The following L3MBTL4 variants were observed in gnomAD, a reference collection of about 807,000 sequenced individuals.
L3MBTL4 encodes the protein lethal(3)malignant brain tumor-like protein 4.
Under a neutral mutation model 84.5 loss-of-function variants are expected in L3MBTL4, and 70 were observed. The ratio of observed to expected loss-of-function variants is 0.83; its 90% CI spans 0.68 to 1.01. The LOEUF is 1.01. L3MBTL4 is among the 50% of genes least tolerant of loss of function. The probability of loss-of-function intolerance (pLI) is 0.00; values close to 1 mark genes in which losing one functional copy is unlikely to be tolerated. For missense variants in L3MBTL4, 715 were observed against 754.8 expected, an observed-to-expected ratio of 0.95 and a Z score of 0.62; for synonymous variants, 274 against 259.8, an observed-to-expected ratio of 1.05 and a Z score of -0.52.
intron 6 of L3MBTL4, 37 bp downstream of exon 6, chr18:6,244,447 T>C: frequency 7.9e-7 from 1 of 1,260,186 alleles, no homozygotes; most frequent in Non-Finnish European, 1.1e-6. Flanking sequence ...TTTCTGTCAC[T>C]AGGCAATTAG....
At chr18:6,078,252 C>T (rs556623725) in intron 16 of L3MBTL4, among the ~76,000 whole-genome samples, 2 of 151,026 alleles carry the variant, frequency 1.3e-5, no homozygotes, top group Non-Finnish European at 2.9e-5. Context: ...CATGGTGAAA[C>T]CCCATCTCTG....
intron 16 of L3MBTL4, among the ~76,000 whole-genome samples, chr18:6,072,327 T>C (rs2145998384): frequency 6.6e-6 from 1 of 152,150 alleles, no homozygotes; most frequent in East Asian, 1.9e-4. Context: ...CTGACCACAG[T>C]GGAATAAAAT....
chr18:6,047,802 GCGAAAGC>G (rs767721675), intron 16 of L3MBTL4, among the ~76,000 whole-genome samples: 15 of 152,110 alleles, frequency 9.9e-5, no homozygotes, highest in Non-Finnish European at 1.5e-4. Context: ...ATCTGAATGG[GCGAAAGC>G]TGGAAGCTGG....
intron 5 of L3MBTL4, among the ~76,000 whole-genome samples, chr18:6,246,147 A>G (rs942896663): frequency 1.4e-4 from 21 of 152,294 alleles, no homozygotes; most frequent in African/African-American, 4.6e-4. Flanking sequence ...TGCCTATATC[A>G]CACAGTTTTA....
intron 16 of L3MBTL4, among the ~76,000 whole-genome samples, chr18:6,000,332 C>T (rs868810425): frequency 9.2e-5 from 14 of 151,858 alleles, no homozygotes; most frequent in Non-Finnish European, 1.8e-4. Context: ...TGTGACAATT[C>T]GAGGAAGAGA....
intron 9 of L3MBTL4, among the ~76,000 whole-genome samples, chr18:6,239,029 A>G (rs1412917154): frequency 6.6e-6 from 1 of 152,112 alleles, no homozygotes; most frequent in Non-Finnish European, 1.5e-5. Flanking sequence ...CCATTGTCCC[A>G]GAATCTTTCC....
chr18:6,295,591 C>A (rs2050075600), intron 4 of L3MBTL4, among the ~76,000 whole-genome samples: 1 of 151,914 alleles, frequency 6.6e-6, no homozygotes, highest in African/African-American at 2.4e-5. Flanking sequence ...AAACCAGTAT[C>A]AAGAGCAAAG....
intron 13 of L3MBTL4, among the ~76,000 whole-genome samples, chr18:6,138,708 C>T (rs965229385): frequency 3.9e-5 from 6 of 152,090 alleles, no homozygotes; most frequent in Non-Finnish European, 7.4e-5. Flanking sequence ...AGCACCACCA[C>T]GCCCAGCTAA....
At chr18:6,040,076 T>G (rs2056332525) in intron 16 of L3MBTL4, among the ~76,000 whole-genome samples, 1 of 152,154 alleles carries the variant, frequency 6.6e-6, no homozygotes. Context: ...ATGAGAAATT[T>G]CAAAAGGCCA....
chr18:6,296,689 C>T (rs2050121229), intron 4 of L3MBTL4, among the ~76,000 whole-genome samples: 1 of 151,974 alleles, frequency 6.6e-6, no homozygotes, highest in African/African-American at 2.4e-5. Context: ...GAGGGGTCTC[C>T]AGTAACATTC....
intron 13 of L3MBTL4, among the ~76,000 whole-genome samples, chr18:6,147,169 G>GT (rs951698652): frequency 6.6e-6 from 1 of 152,000 alleles, no homozygotes; most frequent in African/African-American, 2.4e-5. Context: ...TAGTATCTTG[G>GT]TTTTTTCCCT....
chr18:6,065,099 G>A (rs2057357239), intron 16 of L3MBTL4, among the ~76,000 whole-genome samples: 1 of 152,056 alleles, frequency 6.6e-6, no homozygotes, highest in South Asian at 2.1e-4. Context: ...TGTGTCTATT[G>A]AGATGATCAT....
chr18:6,337,293 G>T (rs2052387662), intron 1 of L3MBTL4, among the ~76,000 whole-genome samples: 1 of 152,050 alleles, frequency 6.6e-6, no homozygotes, highest in South Asian at 2.1e-4. Flanking sequence ...AACATTCCTA[G>T]AACGGAAATG....
chr18:6,413,394 T>A (rs1359309116), intron 1 of L3MBTL4, among the ~76,000 whole-genome samples: 2 of 152,188 alleles, frequency 1.3e-5, no homozygotes, highest in Non-Finnish European at 1.5e-5. Flanking sequence ...ACCAAGTCAG[T>A]GTAGTCGAAT....
At chr18:5,983,083 G>T (rs986884128) in intron 16 of L3MBTL4, among the ~76,000 whole-genome samples, 1 of 152,104 alleles carries the variant, frequency 6.6e-6, no homozygotes, top group African/African-American at 2.4e-5. Flanking sequence ...GTTAAGGGAG[G>T]CTCAAGTTGC....
chr18:6,043,908 C>G (rs899725164), intron 16 of L3MBTL4, among the ~76,000 whole-genome samples: 1 of 152,094 alleles, frequency 6.6e-6, no homozygotes, highest in African/African-American at 2.4e-5. Flanking sequence ...AAGCTTTTCC[C>G]CTAAAAAATC....
At chr18:6,124,775 A>G (rs1348650321) in intron 14 of L3MBTL4, among the ~76,000 whole-genome samples, 1 of 152,184 alleles carries the variant, frequency 6.6e-6, no homozygotes, top group Non-Finnish European at 1.5e-5. Flanking sequence ...TGAGGCTGGA[A>G]AGGATGAGAG....
rs551023768 is a variant in L3MBTL4, at chr18:6,081,238, A to T, written c.1374-287T>A. 2.2e-3 allele frequency: 574 copies of T among 257,550 alleles called. 3 individuals carry two copies. Among genetic ancestry groups the T allele is most frequent in the South Asian group, 6.7e-3 (64 of 9,622 alleles). The allele number at this position is 257,550 out of a possible 1,614,324, so 16.0% of individuals were successfully genotyped here. ...TGGAGAATAATCTCTTCAGATTCTA[A>T]GGAGGAGCTAGCAGGATGGTGGGTG... On this transcript the variant is annotated intron_variant, in intron 15 of 18. Transcript: ENST00000317931.
chr18:6,232,867 CAT>C (rs1236750382), intron 10 of L3MBTL4, among the ~76,000 whole-genome samples: 9 of 151,910 alleles, frequency 5.9e-5, no homozygotes, highest in African/African-American at 2.2e-4. Context: ...AAATAACTAA[CAT>C]ATATAATTTT....
Sources: allele counts gnomAD v4.1 joint callset (sites outside exome capture counted in the v4.1 genomes callset), GRCh38; gene constraint gnomAD v4.1.1; transcripts MANE v1.5; gene names NCBI Gene and HGNC (gene_info 2026-07-23, HGNC 2026-07-21).